Variants in CHST9 observed in about 807,000 individuals in gnomAD.
The protein encoded by CHST9 is carbohydrate sulfotransferase 9, also known as GalNAc-4-sulfotransferase 2.
Under a neutral mutation model 44.4 loss-of-function variants are expected in CHST9, and 41 were observed. That is an observed-to-expected ratio of 0.92 (90% CI 0.72 to 1.20). CHST9 has a LOEUF of 1.20. Ranked by LOEUF, CHST9 falls within the 50% of genes most tolerant of loss-of-function variation. The pLI, the probability that CHST9 is intolerant of heterozygous loss-of-function variation, is 0.00. For missense variants in CHST9, 504 were observed against 516.5 expected (o/e 0.98, Z 0.23); for synonymous variants, 171 against 178.4 (o/e 0.96, Z 0.33).
At chr18:27,072,778 A>C (rs1170627055) in intron 2 of CHST9, among the ~76,000 whole-genome samples, 1 of 152,198 alleles carries the variant, frequency 6.6e-6, no homozygotes, top group African/African-American at 2.4e-5. Context: ...TAACTGCTAG[A>C]ATTAATGGAA....
At chr18:26,937,154 C>T (rs1476931883) in intron 5 of CHST9, among the ~76,000 whole-genome samples, 2 of 152,126 alleles carry the variant, frequency 1.3e-5, no homozygotes. Context: ...CGGATTATGC[C>T]AATGTATACT....
intron 5 of CHST9, among the ~76,000 whole-genome samples, chr18:26,919,605 TA>T (rs2055608894): frequency 6.6e-6 from 1 of 152,186 alleles, no homozygotes; most frequent in East Asian, 1.9e-4. Context: ...CTGGTGAATT[TA>T]AAGCCTCCCC....
At chr18:27,083,057 C>A (rs2057975938) in intron 2 of CHST9, among the ~76,000 whole-genome samples, 1 of 152,030 alleles carries the variant, frequency 6.6e-6, no homozygotes, top group Non-Finnish European at 1.5e-5. Flanking sequence ...AATATATAAT[C>A]CATGTGAAGA....
In CHST9 at chr18:26,917,238, T is replaced by A; in HGVS notation, c.353A>T (p.Asp118Val). 2 of 1,613,866 alleles carry A rather than the reference T, an allele frequency of 1.2e-6. No individual in the cohort carries two copies. The highest frequency in any genetic ancestry group is 1.7e-6 in the Non-Finnish European group (2 of 1,179,812). ...CCCTGTGGACTTACTTAAAGCTTGA[T>A]CCCCTCCTTGTGAATGACTGGTCTT... ...LTKTSHSQGG[D>V]QALSKSTGSP... is the part of the protein sequence containing the mutation. Residue 118 changes from aspartate (D) to valine (V), a missense_variant, in exon 6 of 6, where the codon GAT becomes GTT. Coordinates refer to ENST00000618847, the MANE Select transcript of CHST9 (RefSeq NM_031422.6).
At chr18:27,003,292 A>C (rs2056974764) in intron 4 of CHST9, among the ~76,000 whole-genome samples, 1 of 152,078 alleles carries the variant, frequency 6.6e-6, no homozygotes, top group South Asian at 2.1e-4. Context: ...GAGTCAGGGG[A>C]ACAAGGAATC....
At chr18:26,978,019 C>T (rs2056644549) in intron 4 of CHST9, among the ~76,000 whole-genome samples, 1 of 151,738 alleles carries the variant, frequency 6.6e-6, no homozygotes, top group African/African-American at 2.4e-5. Flanking sequence ...AGAAAGAGAG[C>T]AGGCATGTGC....
chr18:26,999,587 T>C (rs991522757), intron 4 of CHST9, among the ~76,000 whole-genome samples: 1 of 152,122 alleles, frequency 6.6e-6, no homozygotes, highest in Admixed American at 6.5e-5. Context: ...TATTTAATTT[T>C]AAATTTAAAT....
chr18:27,107,798 A>G (rs2058234783), intron 2 of CHST9, among the ~76,000 whole-genome samples: 2 of 152,312 alleles, frequency 1.3e-5, no homozygotes, highest in African/African-American at 2.4e-5. Context: ...CAGAACTTTA[A>G]TCTAATGGAA....
At chr18:26,980,871 T>G (rs1324960491) in intron 4 of CHST9, among the ~76,000 whole-genome samples, 4 of 152,196 alleles carry the variant, frequency 2.6e-5, no homozygotes, top group African/African-American at 9.6e-5. Context: ...AAACGAAGCC[T>G]AAATATGCTA....
intron 1 of CHST9, among the ~76,000 whole-genome samples, chr18:27,174,819 T>A (rs2058856596): frequency 6.6e-6 from 1 of 152,050 alleles, no homozygotes; most frequent in Non-Finnish European, 1.5e-5. Flanking sequence ...ACTCTTTATA[T>A]ACAAAAGATC....
At chr18:27,001,583 T>C (rs917441905) in intron 4 of CHST9, among the ~76,000 whole-genome samples, 4 of 152,062 alleles carry the variant, frequency 2.6e-5, no homozygotes, top group Non-Finnish European at 5.9e-5. Flanking sequence ...GCCTCTAACT[T>C]TGTCTTGCAG....
chr18:27,090,978 T>C (rs1287569489), intron 2 of CHST9, among the ~76,000 whole-genome samples: 1 of 152,206 alleles, frequency 6.6e-6, no homozygotes, highest in African/African-American at 2.4e-5. Flanking sequence ...TCCAAATCTG[T>C]GAAGAAAGTC....
chr18:27,042,472 G>A (rs2057456017), intron 3 of CHST9, among the ~76,000 whole-genome samples: 1 of 152,042 alleles, frequency 6.6e-6, no homozygotes, highest in Admixed American at 6.6e-5. Context: ...ATGCAGAGCT[G>A]GGAAGAGAGG....
At chr18:27,142,426 A>T (rs756383345) in intron 2 of CHST9, among the ~76,000 whole-genome samples, 3 of 152,210 alleles carry the variant, frequency 2.0e-5, no homozygotes, top group Non-Finnish European at 4.4e-5. Context: ...AATTCTCTAC[A>T]AGCAGTTCTT....
chr18:27,041,491 C>A (rs1317303723), intron 3 of CHST9, among the ~76,000 whole-genome samples: 1 of 152,122 alleles, frequency 6.6e-6, no homozygotes, highest in Non-Finnish European at 1.5e-5. Flanking sequence ...TACTTCTCCC[C>A]TGCCACCTAA....
At chr18:26,940,961 C>A (rs1295118610) in intron 5 of CHST9, among the ~76,000 whole-genome samples, 1 of 152,102 alleles carries the variant, frequency 6.6e-6, no homozygotes, top group Non-Finnish European at 1.5e-5. Flanking sequence ...GGCTGTAAGC[C>A]AAGGAATGTC....
intron 1 of CHST9, among the ~76,000 whole-genome samples, chr18:27,171,104 T>G (rs1327355739): frequency 6.6e-6 from 1 of 152,194 alleles, no homozygotes; most frequent in Non-Finnish European, 1.5e-5. Flanking sequence ...CTTTGCATGT[T>G]TCCAACTTGA....
rs770193101 is a variant in CHST9 at position 27,048,444 on chromosome 18, G to A, written c.160+21C>T. On this transcript the variant is annotated intron_variant, in intron 3 of 5. Transcript: ENST00000618847. ...AATAAAATCAGGAAATAAAGCTGGA[G>A]CCCATTGGACAAAATCTTACCTGAA... 2.7e-5 allele frequency: 43 copies of A among 1,586,640 alleles called. 1 individual carries two copies. In the South Asian group the frequency reaches 4.8e-4, roughly 18 times the overall value.
chr18:26,972,942 C>T (rs1305527102), intron 4 of CHST9, among the ~76,000 whole-genome samples: 3 of 152,162 alleles, frequency 2.0e-5, no homozygotes, highest in Non-Finnish European at 2.9e-5. Flanking sequence ...CTGGCTTCAC[C>T]CCCTGGCACC....
Sources: gnomAD v4.1 joint callset for allele counts (sites outside exome capture counted in the v4.1 genomes callset) on GRCh38, gnomAD v4.1.1 for gene constraint, MANE v1.5 for transcripts, NCBI Gene and HGNC (gene_info 2026-07-23, HGNC 2026-07-21) for gene names.